The following ATP6V1H variants were observed in gnomAD, a reference collection of about 807,000 sequenced individuals.
The protein encoded by ATP6V1H is V-type proton ATPase subunit H.
A neutral mutation model predicts 71.7 loss-of-function variants in ATP6V1H; 39 were observed. That is an observed-to-expected ratio of 0.54 (90% CI 0.42 to 0.71). ATP6V1H has a LOEUF of 0.71. Ranked by LOEUF, ATP6V1H falls within the 30% of genes least tolerant of loss-of-function variation. ATP6V1H has a pLI of 0.00. For synonymous variants in ATP6V1H, 192 were observed against 199.3 expected (o/e 0.96, Z 0.31); for missense variants, 509 against 594.9 (o/e 0.86, Z 1.50).
At chr8:53,783,767 ACAT>A (rs1809257902) in intron 9 of ATP6V1H, among the ~76,000 whole-genome samples, 1 of 152,200 alleles carries the variant, frequency 6.6e-6, no homozygotes, top group Non-Finnish European at 1.5e-5. Flanking sequence ...GTTTCAAAGA[ACAT>A]CTTTATTTCT....
intron 12 of ATP6V1H, among the ~76,000 whole-genome samples, chr8:53,750,575 T>C (rs1024490911): frequency 2.6e-5 from 4 of 152,178 alleles, no homozygotes; most frequent in Non-Finnish European, 4.4e-5. Context: ...TCTAAAAATG[T>C]ATCAGTGGAC....
chr8:53,771,893 T>G, intron 10 of ATP6V1H, 96 bp downstream of exon 10: 1 of 1,102,104 alleles, frequency 9.1e-7, no homozygotes, highest in Non-Finnish European at 1.3e-6. Context: ...TCTTGATTTG[T>G]ATAGGTGACA....
In ATP6V1H at chr8:53,755,591, TA is replaced by T. The variant is rs552234869; in HGVS notation, c.1277+963del. Among the ~76,000 whole-genome samples the T allele has an allele frequency of 2.0e-3, 284 of 145,036 alleles. 3 individuals carry two copies. Among genetic ancestry groups the T allele is most frequent in the African/African-American group, 7.0e-3 (273 of 39,276 alleles). ...CATTCATCTCTGTAAGTACAAATAGTAAGACAAAAAATAGCCAGTGCTCGCA... is the reference window on the plus strand; with the variant it reads ...CATTCATCTCTGTAAGTACAAATAGTAGACAAAAAATAGCCAGTGCTCGCA... On this transcript the variant is annotated intron_variant, in intron 12 of 13. Transcript: ENST00000359530.
At chr8:53,738,715 A>T (rs1807314510) in intron 13 of ATP6V1H, among the ~76,000 whole-genome samples, 1 of 152,194 alleles carries the variant, frequency 6.6e-6, no homozygotes, top group South Asian at 2.1e-4. Flanking sequence ...CTGAATATTT[A>T]TTTAGGCTGA....
intron 2 of ATP6V1H, among the ~76,000 whole-genome samples, chr8:53,841,310 A>G (rs544132965): frequency 9.9e-5 from 15 of 152,214 alleles, no homozygotes; most frequent in Non-Finnish European, 1.5e-5. Flanking sequence ...CATTCCTCCT[A>G]TGTTTCCCAC....
intron 12 of ATP6V1H, among the ~76,000 whole-genome samples, chr8:53,755,809 G>C (rs1305474729): frequency 1.1e-5 from 1 of 93,620 alleles, no homozygotes; most frequent in Non-Finnish European, 2.0e-5. Flanking sequence ...CCAGGCTGGA[G>C]TGCAGTGGCG....
At chr8:53,823,381 A>G (rs540023006) in intron 4 of ATP6V1H, among the ~76,000 whole-genome samples, 4 of 152,256 alleles carry the variant, frequency 2.6e-5, no homozygotes, top group Non-Finnish European at 5.9e-5. Context: ...AAGGGAACGC[A>G]GAAACTGGAT....
chr8:53,768,774 G>C (rs1367681916), intron 11 of ATP6V1H, among the ~76,000 whole-genome samples: 1 of 152,142 alleles, frequency 6.6e-6, no homozygotes, highest in Non-Finnish European at 1.5e-5. Context: ...TAGGTAGATG[G>C]GTGGATAGAG....
chr8:53,748,966 G>A (rs894585389), intron 12 of ATP6V1H, among the ~76,000 whole-genome samples: 3 of 152,226 alleles, frequency 2.0e-5, no homozygotes, highest in Non-Finnish European at 4.4e-5. Flanking sequence ...AGATAAAAAA[G>A]TCTGTATTTT....
chr8:53,817,543 A>C lies in ATP6V1H; in HGVS notation c.307-13T>G. ...GCTGATGATTTTCCTAAAAAAGAAA[A>C]GAAATGATATCACCAGTCAGAACAC... On this transcript the variant is annotated splice_polypyrimidine_tract_variant and intron_variant, in intron 4 of 13. Transcript: ENST00000359530. 6.5e-7 allele frequency: 1 copy of C among 1,547,340 alleles called. No individual in the cohort carries two copies.
At chr8:53,808,460 C>T (rs1191911264) in intron 7 of ATP6V1H, among the ~76,000 whole-genome samples, 1 of 152,190 alleles carries the variant, frequency 6.6e-6, no homozygotes, top group Non-Finnish European at 1.5e-5. Flanking sequence ...TTCCACTTAT[C>T]TAATGTCATT....
chr8:53,806,372 C>A (rs891798573), intron 7 of ATP6V1H, among the ~76,000 whole-genome samples: 1 of 151,890 alleles, frequency 6.6e-6, no homozygotes, highest in Admixed American at 6.6e-5. Flanking sequence ...CCCAAGAATT[C>A]TCTTGAAGTT....
rs1046276603 is a variant in ATP6V1H, at chr8:53,841,767, T to C, written c.-35-42A>G. 5.2e-6 allele frequency: 8 copies of C among 1,551,562 alleles called. No homozygotes were observed. The African/African-American group carries it at 8.3e-5, about 16-fold the overall frequency. ...AGGTAAAAACAGAATACGAGGTGTT[T>C]CTTTTTTTTACAACTATTAATATTA... is the stretch of plus-strand genomic sequence containing the variant. On this transcript the variant is annotated intron_variant, in intron 1 of 13. Coordinates refer to ENST00000359530, the MANE Select transcript of ATP6V1H (RefSeq NM_015941.4).
At chr8:53,820,608 A>C (rs1383029808) in intron 4 of ATP6V1H, among the ~76,000 whole-genome samples, 1 of 151,204 alleles carries the variant, frequency 6.6e-6, no homozygotes, top group Non-Finnish European at 1.5e-5. Flanking sequence ...TTGAGGTTAC[A>C]GTGAGCTATA....
At chr8:53,798,314 AG>A (rs1229732946) in intron 8 of ATP6V1H, among the ~76,000 whole-genome samples, 1 of 152,122 alleles carries the variant, frequency 6.6e-6, no homozygotes, top group African/African-American at 2.4e-5. Flanking sequence ...TTACGAGGTC[AG>A]GAGTTCAAGA....
chr8:53,736,795 T>TTATTCTTG (rs1304470698), intron 13 of ATP6V1H, among the ~76,000 whole-genome samples: 2 of 152,166 alleles, frequency 1.3e-5, no homozygotes, highest in African/African-American at 4.8e-5. Flanking sequence ...ACCACCTCTC[T>TTATTCTTG]TATTGTCTCA....
intron 12 of ATP6V1H, among the ~76,000 whole-genome samples, chr8:53,747,397 T>C (rs1245449228): frequency 6.6e-6 from 1 of 152,202 alleles, no homozygotes; most frequent in Admixed American, 6.5e-5. Flanking sequence ...GGAAGGTCAT[T>C]ACCGTTTTTA....
At chr8:53,716,087 T>C (rs558754803) in intron 13 of ATP6V1H, 63 bp from the exon 14 acceptor site, 5 of 1,318,810 alleles carry the variant, frequency 3.8e-6, no homozygotes, top group African/African-American at 1.4e-5. Flanking sequence ...ACTTCCAAAA[T>C]TGAAACACAT....
At chr8:53,816,687 T>C (rs886140689) in intron 5 of ATP6V1H, among the ~76,000 whole-genome samples, 1 of 151,940 alleles carries the variant, frequency 6.6e-6, no homozygotes, top group Non-Finnish European at 1.5e-5. Flanking sequence ...TCCCAGCTAC[T>C]CAGGAGGCTG....
Sources: gnomAD v4.1 joint callset for allele counts (sites outside exome capture counted in the v4.1 genomes callset) on GRCh38, gnomAD v4.1.1 for gene constraint, MANE v1.5 for transcripts, NCBI Gene and HGNC (gene_info 2026-07-23, HGNC 2026-07-21) for gene names.